Variants in STARD13 observed in about 807,000 individuals in gnomAD.
STARD13 encodes the protein StAR related lipid transfer domain containing 13.
STARD13 carries 62 observed loss-of-function variants against 106.4 expected under a neutral mutation model. That is an observed-to-expected ratio of 0.58 (90% confidence interval 0.48 to 0.72). The LOEUF is 0.72. Among genes scored for constraint, STARD13 ranks in the 30% least tolerant of loss-of-function variants. The pLI, the probability that STARD13 is intolerant of heterozygous loss-of-function variation, is 0.00. For missense variants in STARD13, 1,387 were observed against 1,424.0 expected, an observed-to-expected ratio of 0.97 and a Z score of 0.42; for synonymous variants, 565 against 553.0, an observed-to-expected ratio of 1.02 and a Z score of -0.31.
At chr13:33,464,021 A>G in the STARD13 span, among the ~76,000 whole-genome samples, 5 of 129,528 alleles carry the variant, frequency 3.9e-5, no homozygotes, top group African/African-American at 1.3e-4. Flanking sequence ...CAAAAAAAAA[A>G]TACATATATA....
At chr13:33,535,970 C>T in the STARD13 span, among the ~76,000 whole-genome samples, 1 of 152,208 alleles carries the variant, frequency 6.6e-6, no homozygotes, top group Non-Finnish European at 1.5e-5. Context: ...GTCAGGCTTA[C>T]ACCCCAGTTG....
intron 1 of STARD13, among the ~76,000 whole-genome samples, chr13:33,321,950 C>G (rs1249733942): frequency 6.6e-6 from 1 of 152,166 alleles, no homozygotes; most frequent in Non-Finnish European, 1.5e-5. Flanking sequence ...ATAATTTGTG[C>G]ATCAGGCTAA....
the STARD13 span, among the ~76,000 whole-genome samples, chr13:33,516,679 A>G: frequency 2.0e-5 from 3 of 152,100 alleles, no homozygotes; most frequent in Non-Finnish European, 4.4e-5. Flanking sequence ...TCCATGGCCC[A>G]CAAATGCCTC....
At chr13:33,242,940 C>T (rs1417834094) in intron 1 of STARD13, among the ~76,000 whole-genome samples, 1 of 152,096 alleles carries the variant, frequency 6.6e-6, no homozygotes, top group Non-Finnish European at 1.5e-5. Flanking sequence ...GTATATATTA[C>T]TTCTCACTGT....
chr13:33,520,837 AT>A, the STARD13 span, among the ~76,000 whole-genome samples: 2 of 152,020 alleles, frequency 1.3e-5, no homozygotes, highest in Non-Finnish European at 2.9e-5. Context: ...CTTCTCCCAT[AT>A]TTCCATAGCT....
the STARD13 span, among the ~76,000 whole-genome samples, chr13:33,498,610 AT>A: frequency 1.3e-5 from 2 of 152,234 alleles, no homozygotes; most frequent in Non-Finnish European, 2.9e-5. Flanking sequence ...TTAAATGACA[AT>A]TTAAAATAAC....
At chr13:33,652,200 G>A in the STARD13 span, among the ~76,000 whole-genome samples, 1 of 152,172 alleles carries the variant, frequency 6.6e-6, no homozygotes, top group Non-Finnish European at 1.5e-5. Flanking sequence ...AAATGCCCCA[G>A]CATTTGGGAA....
chr13:33,325,853 C>A lies in STARD13; in HGVS notation c.124+24437G>T, dbSNP rs193276333. On this transcript the variant is annotated intron_variant, in intron 1 of 5. Coordinates refer to the STARD13 transcript ENST00000567873. ...ACAAAAAATTAGCCGGGCATGGTGGCGGGCGCCTGTAGTCCCAGCTACTTG... is the reference window on the plus strand; with the variant it reads ...ACAAAAAATTAGCCGGGCATGGTGGAGGGCGCCTGTAGTCCCAGCTACTTG... 2.1e-3 allele frequency among the ~76,000 whole-genome samples: 317 copies of A among 151,924 alleles called. 3 individuals are homozygous for A. The highest frequency in any genetic ancestry group is 4.5e-3 in the East Asian group (23 of 5,160).
the STARD13 span, among the ~76,000 whole-genome samples, chr13:33,446,667 T>C: frequency 6.6e-6 from 1 of 152,148 alleles, no homozygotes; most frequent in Non-Finnish European, 1.5e-5. Flanking sequence ...AATATAAATT[T>C]TGGTGTATGT....
At chr13:33,647,376 G>T in the STARD13 span, among the ~76,000 whole-genome samples, 1 of 152,020 alleles carries the variant, frequency 6.6e-6, no homozygotes, top group Non-Finnish European at 1.5e-5. Context: ...AATATTTAGG[G>T]CTAAGAAAAC....
the STARD13 span, among the ~76,000 whole-genome samples, chr13:33,542,504 G>T: frequency 6.6e-6 from 1 of 152,200 alleles, no homozygotes; most frequent in Admixed American, 6.5e-5. Flanking sequence ...TGAAAAAGAC[G>T]CACACGCAGA....
chr13:33,517,125 C>T, the STARD13 span, among the ~76,000 whole-genome samples: 1 of 152,000 alleles, frequency 6.6e-6, no homozygotes, highest in African/African-American at 2.4e-5. Context: ...TTTTAAATTA[C>T]CTATGGGGCT....
At chr13:33,229,242 C>T (rs985461752) in intron 1 of STARD13, among the ~76,000 whole-genome samples, 7 of 152,156 alleles carry the variant, frequency 4.6e-5, no homozygotes, top group African/African-American at 1.2e-4. Flanking sequence ...AAAGGGACTT[C>T]CTAAATAGCG....
chr13:33,121,891 G>C (rs1345181696), intron 7 of STARD13, among the ~76,000 whole-genome samples: 1 of 151,580 alleles, frequency 6.6e-6, no homozygotes, highest in Non-Finnish European at 1.5e-5. Flanking sequence ...TATCCCCCAG[G>C]TTGGAGTGCG....
At chr13:33,343,132 G>A (rs1320063215) in intron 1 of STARD13, among the ~76,000 whole-genome samples, 1 of 152,166 alleles carries the variant, frequency 6.6e-6, no homozygotes. Context: ...GGAGCCAACA[G>A]AGAACCTTTG....
chr13:33,620,269 T>G, the STARD13 span, among the ~76,000 whole-genome samples: 5,090 of 151,542 alleles, frequency 0.034, 213 homozygotes, highest in East Asian at 0.17. Context: ...GCAGAATATG[T>G]ATTCTTTTTC....
intron 1 of STARD13, among the ~76,000 whole-genome samples, chr13:33,342,071 AG>A (rs1242494436): frequency 6.6e-6 from 1 of 152,228 alleles, no homozygotes; most frequent in Non-Finnish European, 1.5e-5. Flanking sequence ...CTGGGATTAC[AG>A]GCATAAGCCA....
At chr13:33,343,492 C>T (rs1469278548) in intron 1 of STARD13, among the ~76,000 whole-genome samples, 1 of 138,426 alleles carries the variant, frequency 7.2e-6, no homozygotes, top group African/African-American at 2.6e-5. Flanking sequence ...TGTGGGAGGA[C>T]GCTTGAGTCT....
the STARD13 span, among the ~76,000 whole-genome samples, chr13:33,365,055 G>A: frequency 2.0e-5 from 3 of 150,802 alleles, no homozygotes; most frequent in Admixed American, 6.6e-5. Flanking sequence ...ACTGCAAGAG[G>A]TAAAAAACTC....
Sources: gnomAD v4.1 joint callset for allele counts (sites outside exome capture counted in the v4.1 genomes callset) on GRCh38, gnomAD v4.1.1 for gene constraint, MANE v1.5 for transcripts, NCBI Gene and HGNC (gene_info 2026-07-23, HGNC 2026-07-21) for gene names.